Variants in TWSG1 observed in about 807,000 individuals in gnomAD.
TWSG1 encodes twisted gastrulation BMP signaling modulator 1, also known as twisted gastrulation protein homolog 1.
In TWSG1, 15 loss-of-function variants were observed where a neutral mutation model predicts 23.0. The observed-to-expected ratio is 0.65, with a 90% CI of 0.44 to 1.00. The LOEUF (loss-of-function observed/expected upper bound fraction) is 1.00, where lower values mean the gene tolerates loss of function less well. Ranked by LOEUF, TWSG1 falls within the 50% of genes least tolerant of loss-of-function variation. The probability of loss-of-function intolerance (pLI) is 0.00; values close to 1 mark genes in which losing one functional copy is unlikely to be tolerated. For synonymous variants in TWSG1, 86 were observed against 92.8 expected, an observed-to-expected ratio of 0.93 and a Z score of 0.42; for missense variants, 242 against 278.7, an observed-to-expected ratio of 0.87 and a Z score of 0.94.
At chr18:9,397,459 CAGA>C (rs2040742487) in intron 4 of TWSG1, among the ~76,000 whole-genome samples, 1 of 152,172 alleles carries the variant, frequency 6.6e-6, no homozygotes, top group East Asian at 1.9e-4. Context: ...ATACAAATTA[CAGA>C]AGCATATTTA....
chr18:9,343,051 T>G, intron 2 of TWSG1, among the ~76,000 whole-genome samples: 1 of 152,012 alleles, frequency 6.6e-6, no homozygotes, highest in East Asian at 1.9e-4. Context: ...TGTTATTCTC[T>G]CTAGAAACTT....
intron 3 of TWSG1, among the ~76,000 whole-genome samples, chr18:9,388,968 TTTTGTTTG>T (rs201782469): frequency 2.0e-5 from 3 of 151,966 alleles, no homozygotes; most frequent in African/African-American, 7.3e-5. Flanking sequence ...TTTTTTGGCT[TTTTGTTTG>T]TTTGTTTGTT....
In TWSG1 at chr18:9,352,114, C is replaced by G. The variant is rs144419401; in HGVS notation, c.124-7858C>G. 2.0e-5 allele frequency among the ~76,000 whole-genome samples: 3 copies of G among 152,244 alleles called. No homozygotes were observed. The East Asian group carries it at 5.8e-4, about 29-fold the overall frequency. ...CCCTAGCCTCAGCCCCTGGCAACCA[C>G]TGATTTGATTTTTTTTCTCTATAGT... On this transcript the variant is annotated intron_variant, in intron 2 of 4. Transcript: ENST00000262120.
rs770511240 is a variant in TWSG1 at position 9,396,294 on chromosome 18, C to T, written c.238C>T (p.Arg80Ter). 5 of 1,613,900 alleles carry T rather than the reference C, an allele frequency of 3.1e-6. No homozygotes were observed. In the African/African-American group the frequency reaches 5.3e-5, roughly 17 times the overall value. ...CCCCAACCCAGGTATGTGTAATCCT[C>T]GAAATTATAGTGACACACCTCCAAC... ...CCDCVGMCNPRNYSDTPPTSK... is the reference protein window; with the variant it reads ...CCDCVGMCNP Residue 80 changes from arginine (R) to a stop codon, truncating the protein, a stop_gained, in exon 4 of 5, where the codon CGA becomes TGA. Coordinates refer to ENST00000262120, the MANE Select transcript of TWSG1 (RefSeq NM_020648.6). LOFTEE classifies it high-confidence loss of function.
chr18:9,376,940 G>A (rs1270115332), intron 3 of TWSG1, among the ~76,000 whole-genome samples: 3 of 151,224 alleles, frequency 2.0e-5, no homozygotes, highest in Non-Finnish European at 4.4e-5. Context: ...TATAACAACT[G>A]TTTACATGTT....
intron 3 of TWSG1, among the ~76,000 whole-genome samples, chr18:9,362,924 C>A (rs2040559016): frequency 6.6e-6 from 1 of 152,140 alleles, no homozygotes; most frequent in African/African-American, 2.4e-5. Context: ...TTTCTACTTT[C>A]TAGGATAAAA....
intron 3 of TWSG1, 133 bp from the exon 4 acceptor site, chr18:9,396,147 C>CA (rs58754446): frequency 0.03 from 13,898 of 468,190 alleles, 22 homozygotes; most frequent in South Asian, 0.044. Context: ...GCTCACCCAG[C>CA]AAAAAAAAAA....
At chr18:9,338,346 C>T (rs3859293) in intron 2 of TWSG1, among the ~76,000 whole-genome samples, 50,679 of 151,990 alleles carry the variant, frequency 0.33, 8,915 homozygotes, top group African/African-American at 0.45. Flanking sequence ...AGTGTGTTTG[C>T]TGTTCAGTTT....
intron 3 of TWSG1, among the ~76,000 whole-genome samples, chr18:9,372,746 C>T (rs1218683434): frequency 6.6e-6 from 1 of 150,704 alleles, no homozygotes; most frequent in African/African-American, 2.4e-5. Context: ...AGGACAACCA[C>T]TAAAAAAAGT....
chr18:9,385,406 GGGCCGGGCGCGGTGGCTC>G (rs2040677495), intron 3 of TWSG1, among the ~76,000 whole-genome samples: 8 of 113,752 alleles, frequency 7.0e-5, no homozygotes, highest in East Asian at 2.1e-4. Flanking sequence ...AAGAAAGAAC[GGGCCGGGCGCGGTGGCTC>G]ACGCCTGTAA....
intron 2 of TWSG1, among the ~76,000 whole-genome samples, chr18:9,339,839 A>G (rs1037556614): frequency 6.6e-6 from 1 of 152,034 alleles, no homozygotes. Context: ...ATACTTCAAA[A>G]TGTAAAGAGT....
At chr18:9,378,791 C>T (rs574169857) in intron 3 of TWSG1, among the ~76,000 whole-genome samples, 5 of 150,382 alleles carry the variant, frequency 3.3e-5, no homozygotes, top group African/African-American at 4.9e-5. Context: ...GGCAACTTAA[C>T]GAAATACCAT....
chr18:9,392,516 C>T (rs1399769773), intron 3 of TWSG1, among the ~76,000 whole-genome samples: 2 of 152,212 alleles, frequency 1.3e-5, no homozygotes, highest in African/African-American at 4.8e-5. Flanking sequence ...ATCCAGACCA[C>T]TCAAACTTTC....
chr18:9,335,135 T>C (rs939386048), intron 1 of TWSG1, among the ~76,000 whole-genome samples: 2 of 152,110 alleles, frequency 1.3e-5, no homozygotes, highest in African/African-American at 4.8e-5. Context: ...CTGCGCCGCT[T>C]TGGTCCAGAC....
intron 3 of TWSG1, among the ~76,000 whole-genome samples, chr18:9,387,502 C>T (rs557774454): frequency 6.6e-6 from 1 of 152,040 alleles, no homozygotes; most frequent in African/African-American, 2.4e-5. Context: ...CGCGATGGCT[C>T]ATGCGTAATC....
chr18:9,381,614 T>C (rs1210497939), intron 3 of TWSG1, among the ~76,000 whole-genome samples: 5 of 152,176 alleles, frequency 3.3e-5, no homozygotes, highest in Non-Finnish European at 7.4e-5. Flanking sequence ...TGTATTTCTC[T>C]TCAAAATATA....
intron 2 of TWSG1, among the ~76,000 whole-genome samples, chr18:9,343,391 T>G (rs1479546791): frequency 1.3e-5 from 2 of 151,742 alleles, no homozygotes; most frequent in African/African-American, 4.8e-5. Context: ...AGATGGATTC[T>G]CTGTTAGATT....
chr18:9,387,083 A>T (rs937144589), intron 3 of TWSG1, among the ~76,000 whole-genome samples: 2 of 152,240 alleles, frequency 1.3e-5, no homozygotes, highest in Non-Finnish European at 2.9e-5. Context: ...GAGTTCAGTT[A>T]AGGATAGCTG....
intron 3 of TWSG1, among the ~76,000 whole-genome samples, chr18:9,387,770 C>CA (rs10616614): frequency 1.6e-3 from 191 of 120,874 alleles, no homozygotes; most frequent in African/African-American, 3.1e-3. Flanking sequence ...AACTCTGTCT[C>CA]AAAAAAAAAA....
Sources: allele counts gnomAD v4.1 joint callset (sites outside exome capture counted in the v4.1 genomes callset), GRCh38; gene constraint gnomAD v4.1.1; transcripts MANE v1.5; gene names NCBI Gene and HGNC (gene_info 2026-07-23, HGNC 2026-07-21).